Variants in CNTRL observed in about 807,000 individuals in gnomAD.
CNTRL encodes centriolin.
Under a neutral mutation model 303.7 loss-of-function variants are expected in CNTRL, and 233 were observed. The observed-to-expected ratio is 0.77, with a 90% CI of 0.69 to 0.86. The LOEUF (loss-of-function observed/expected upper bound fraction) is 0.86. CNTRL is among the 40% of genes least tolerant of loss of function. CNTRL has a pLI of 0.00. For missense variants in CNTRL, 2,524 were observed against 2,650.6 expected, an observed-to-expected ratio of 0.95 and a Z score of 1.05; for synonymous variants, 900 against 922.2, an observed-to-expected ratio of 0.98 and a Z score of 0.44.
chr9:121,160,110 A>G (rs2052775343), intron 31 of CNTRL, 33 bp from the exon 32 acceptor site: 4 of 1,400,976 alleles, frequency 2.9e-6, no homozygotes, highest in Non-Finnish European at 3.8e-6. Context: ...TTACAGTCAC[A>G]GGAGGGAATA....
intron 14 of CNTRL, among the ~76,000 whole-genome samples, chr9:121,127,395 AAATTACT>A (rs1327566057): frequency 6.6e-6 from 1 of 152,130 alleles, no homozygotes; most frequent in Non-Finnish European, 1.5e-5. Flanking sequence ...AGATATTGTC[AAATTACT>A]TTTCATAGTG....
intron 12 of CNTRL, 94 bp downstream of exon 12, chr9:121,118,634 GT>G: frequency 2.8e-6 from 3 of 1,076,468 alleles, no homozygotes; most frequent in Non-Finnish European, 2.6e-6. Flanking sequence ...CTGAAAGTCT[GT>G]TTTAGTTTGA....
In CNTRL at chr9:121,118,240, A is replaced by T. The variant is rs186718384; in HGVS notation, c.1456-106A>T. On this transcript the variant is annotated intron_variant, in intron 11 of 43. Transcript: ENST00000373855. ...ACTCCCACATTTCACTTTTATTTTT[A>T]AAAAACTGATAGAATATAGAATACT... The T allele has an allele frequency of 3.0e-3, 2,769 of 931,606 alleles. 11 individuals are homozygous for T. The highest frequency in any genetic ancestry group is 3.5e-3 in the Non-Finnish European group (2,389 of 677,446). The allele number at this position is 931,606 out of a possible 1,614,324, so 57.7% of individuals were successfully genotyped here.
At position 121,167,584 on chromosome 9, in the gene CNTRL, C is replaced by T. The variant is rs766274485; in HGVS notation, c.5751C>T (p.Asp1917=). The T allele has an allele frequency of 6.2e-7, 1 of 1,614,084 alleles. No homozygotes were observed. The highest frequency in any genetic ancestry group is 1.7e-5 in the Admixed American group (1 of 60,024). ...GTGAATGGGCAAATAGGTTTGAAGA[C>T]TGTCAGAAAGAAGAGGAGACAAAAC... The part of the protein sequence containing the change: ...DISEWANRFE[D]CQKEEETKQQ... The change falls in exon 37 of 44, where the codon GAC becomes GAT. Residue 1917 remains aspartate, a synonymous_variant. Transcript: ENST00000373855.
At chr9:121,157,684 T>C (rs1055231971) in intron 28 of CNTRL, 56 bp from the exon 29 acceptor site, 1 of 1,606,524 alleles carries the variant, frequency 6.2e-7, no homozygotes, top group African/African-American at 1.3e-5. Context: ...TGGTTTATGA[T>C]AAATAATGCA....
At chr9:121,098,298 T>C in intron 6 of CNTRL, 88 bp from the exon 7 acceptor site, 3 of 998,712 alleles carry the variant, frequency 3.0e-6, no homozygotes, top group Non-Finnish European at 4.4e-6. Context: ...TTCCTTGCCA[T>C]GTTAAATTTC....
rs147898539 is a variant in CNTRL, at chr9:121,158,987, A to G, written c.4897A>G (p.Thr1633Ala). The G allele has an allele frequency of 1.9e-6, 3 of 1,614,056 alleles. No homozygotes were observed. The highest frequency in any genetic ancestry group is 1.3e-5 in the African/African-American group (1 of 74,936). The change falls in exon 31 of 44, where the codon ACT (threonine) becomes GCT (alanine). Residue 1633 changes from threonine (T) to alanine (A), a missense_variant. Transcript: ENST00000373855. ...DLQEALRLGE[T>A]EVTEKCNHIR... ...CCAGGAAGCTCTGAGACTGGGAGAGACTGAAGTAACTGAGAAGTGCAATCA... is the reference window on the plus strand; with the variant it reads ...CCAGGAAGCTCTGAGACTGGGAGAGGCTGAAGTAACTGAGAAGTGCAATCA...
At chr9:121,138,430 T>C in intron 15 of CNTRL, 115 bp from the exon 16 acceptor site, 2 of 1,075,458 alleles carry the variant, frequency 1.9e-6, no homozygotes, top group Non-Finnish European at 2.6e-6. Context: ...TAAAATTGAG[T>C]TGTAAAACTA....
chr9:121,143,971 G>C lies in CNTRL; in HGVS notation c.2940G>C (p.Lys980Asn). Residue 980 changes from lysine (K) to asparagine (N), a missense_variant, in exon 20 of 44, where the codon AAG (lysine) becomes AAC (asparagine). Lys to Asn is a moderately conservative substitution (Grantham distance 94). Coordinates refer to ENST00000373855, the MANE Select transcript of CNTRL (RefSeq NM_007018.6). The stretch of plus-strand genomic sequence containing the variant: ...TAGATAAAGAACTGAAGAAACTAAA[G>C]AAAGCCGTGGCCACCTCTGATAAGC... ...FGLDKELKKLKKAVATSDKLA... is the reference protein window; with the variant it reads ...FGLDKELKKLNKAVATSDKLA... 6.2e-7 allele frequency: 1 copy of C among 1,613,712 alleles called. No homozygotes were observed. The highest frequency in any genetic ancestry group is 8.5e-7 in the Non-Finnish European group (1 of 1,179,846).
chr9:121,157,938 TC>T, intron 29 of CNTRL, 44 bp from the exon 30 acceptor site: 1 of 1,613,866 alleles, frequency 6.2e-7, no homozygotes, highest in Non-Finnish European at 8.5e-7. Flanking sequence ...GCTCTGGGGT[TC>T]CGAGTCCCTT....
intron 14 of CNTRL, among the ~76,000 whole-genome samples, chr9:121,133,579 A>G (rs916639370): frequency 9.9e-5 from 15 of 152,238 alleles, no homozygotes; most frequent in African/African-American, 3.6e-4. Context: ...TGGCTAGGAA[A>G]GGGAAATCCC....
chr9:121,096,502 G>T lies in CNTRL; in HGVS notation c.560G>T (p.Trp187Leu). The T allele has an allele frequency of 6.4e-7, 1 of 1,562,600 alleles. No individual in the cohort carries two copies. The change falls in exon 6 of 44, where the codon TGG becomes TTG. Residue 187 changes from tryptophan to leucine, a missense_variant. Physicochemically the swap from Trp to Leu is moderately conservative, Grantham distance 61. Transcript: ENST00000373855. The part of the protein sequence containing the change: ...AGNEIEHIPV[W>L]LGKKLKSLRV... ...AATGAAATTGAGCATATTCCAGTAT[G>T]GTTAGGGAAGAAGTTAAAATCTTTG...
At chr9:121,169,011 T>A (rs1337734328) in intron 38 of CNTRL, among the ~76,000 whole-genome samples, 1 of 152,192 alleles carries the variant, frequency 6.6e-6, no homozygotes, top group East Asian at 1.9e-4. Flanking sequence ...TGTTGAAAAG[T>A]AAAATCTGGG....
chr9:121,079,692 T>C (rs565872616), intron 1 of CNTRL, among the ~76,000 whole-genome samples: 9 of 152,294 alleles, frequency 5.9e-5, no homozygotes, highest in African/African-American at 2.2e-4. Context: ...AATGAGGCTA[T>C]TGGAATGGGG....
intron 2 of CNTRL, among the ~76,000 whole-genome samples, 175 bp downstream of exon 2, chr9:121,080,653 C>T (rs760513986): frequency 3.9e-5 from 6 of 152,096 alleles, no homozygotes; most frequent in Admixed American, 3.3e-4. Flanking sequence ...GTACCTGAAG[C>T]GATGGACCCG....
chr9:121,094,809 C>G lies in CNTRL; in HGVS notation c.349-79C>G, dbSNP rs1026771706. On this transcript the variant is annotated intron_variant, in intron 4 of 43. Transcript: ENST00000373855. The stretch of plus-strand genomic sequence containing the variant: ...TTTCTGATGACTGATCAAACAGACC[C>G]TGATGCACATAAGTAAATGTTGTAC... 22 of 1,075,318 alleles carry G rather than the reference C, an allele frequency of 2.0e-5. No homozygotes were observed. In the African/African-American group the frequency reaches 3.1e-4, roughly 15 times the overall value. The allele number at this position is 1,075,318 out of a possible 1,614,324, so 66.6% of individuals were successfully genotyped here.
Position 121,175,171 on chromosome 9 carries a change from C to A in CNTRL, c.6901C>A (p.Leu2301Met). 6.2e-7 allele frequency: 1 copy of A among 1,614,160 alleles called. No homozygotes were observed. The highest frequency in any genetic ancestry group is 8.5e-7 in the Non-Finnish European group (1 of 1,180,024). Reference sequence around the variant, plus strand: ...TGCAGATTCAGCGTCATCACCCAGTCTGTCTCAGCTGGAGTCTTCCCTCAC... The same window carrying A: ...TGCAGATTCAGCGTCATCACCCAGTATGTCTCAGCTGGAGTCTTCCCTCAC... ...TSADSASSPSLSQLESSLTED... is the reference protein window; with the variant it reads ...TSADSASSPSMSQLESSLTED... The change falls in exon 43 of 44, where the codon CTG becomes ATG. Residue 2301 changes from leucine to methionine, a missense_variant. Physicochemically the swap from Leu to Met is conservative, Grantham distance 15. Coordinates refer to ENST00000373855, the MANE Select transcript of CNTRL (RefSeq NM_007018.6).
At chr9:121,079,864 T>TG (rs1218144275) in intron 1 of CNTRL, among the ~76,000 whole-genome samples, 1 of 152,110 alleles carries the variant, frequency 6.6e-6, no homozygotes, top group African/African-American at 2.4e-5. Context: ...TTCAGGATTT[T>TG]TTTTGTTTTG....
intron 20 of CNTRL, 97 bp from the exon 21 acceptor site, chr9:121,144,746 C>A: frequency 2.1e-6 from 2 of 937,272 alleles, no homozygotes; most frequent in Non-Finnish European, 3.5e-6. Flanking sequence ...GCCTGGTAGG[C>A]AATGTGATGA....
Sources: allele counts gnomAD v4.1 joint callset (sites outside exome capture counted in the v4.1 genomes callset), GRCh38; gene constraint gnomAD v4.1.1; transcripts MANE v1.5; gene names NCBI Gene and HGNC (gene_info 2026-07-23, HGNC 2026-07-21).